The following CELF2 variants were observed in gnomAD, a reference collection of about 807,000 sequenced individuals.
CELF2 encodes CUG triplet repeat RNA-binding protein 2.
In CELF2, 8 loss-of-function variants were observed where a neutral mutation model predicts 62.6. The ratio of observed to expected loss-of-function variants is 0.13; its 90% CI spans 0.07 to 0.23. CELF2 has a LOEUF of 0.23. Among genes scored for constraint, CELF2 ranks in the 10% least tolerant of loss-of-function variants. The pLI, the probability that CELF2 is intolerant of heterozygous loss-of-function variation, is 1.00. For synonymous variants in CELF2, 258 were observed against 250.0 expected (o/e 1.03, Z -0.30); for missense variants, 333 against 671.0 (o/e 0.50, Z 5.56).
chr10:11,118,700 TGA>T (rs2057091450), intron 1 of CELF2, among the ~76,000 whole-genome samples: 1 of 152,130 alleles, frequency 6.6e-6, no homozygotes, highest in Admixed American at 6.5e-5. Context: ...ATTTGTATGT[TGA>T]AGAGAAATGT....
chr10:10,802,796 T>C (rs2131548640), intron 1 of CELF2, among the ~76,000 whole-genome samples: 1 of 152,316 alleles, frequency 6.6e-6, no homozygotes, highest in East Asian at 1.9e-4. Flanking sequence ...CTGAGGAATG[T>C]CCTTCCCCAC....
chr10:10,935,438 G>A (rs898340677), intron 2 of CELF2: 1 of 152,212 alleles, frequency 6.6e-6, no homozygotes, highest in East Asian at 1.9e-4. Context: ...AGATGAGTTT[G>A]AGACAGTGCT....
At chr10:11,225,139 C>T (rs1410461039) in intron 3 of CELF2, among the ~76,000 whole-genome samples, 3 of 152,174 alleles carry the variant, frequency 2.0e-5, no homozygotes, top group Non-Finnish European at 2.9e-5. Context: ...ATTTCAGGCC[C>T]GTACCCTCAC....
chr10:11,060,244 C>T (rs2066404180), intron 1 of CELF2, among the ~76,000 whole-genome samples: 1 of 152,194 alleles, frequency 6.6e-6, no homozygotes, highest in African/African-American at 2.4e-5. Context: ...TTCAATACAG[C>T]CCCTAGGAAA....
At chr10:10,907,665 T>G (rs1330383097) in intron 1 of CELF2, among the ~76,000 whole-genome samples, 1 of 138,096 alleles carries the variant, frequency 7.2e-6, no homozygotes, top group Non-Finnish European at 1.6e-5. Context: ...TTATTTTATT[T>G]TTTTAGTGAT....
the CELF2 span, among the ~76,000 whole-genome samples, chr10:10,558,454 C>A: frequency 6.6e-6 from 1 of 152,066 alleles, no homozygotes; most frequent in Admixed American, 6.6e-5. Context: ...TTATTGAGGA[C>A]TTTTGCATCA....
intron 1 of CELF2, among the ~76,000 whole-genome samples, chr10:10,876,394 A>G (rs2061095854): frequency 6.6e-6 from 1 of 152,070 alleles, no homozygotes; most frequent in Non-Finnish European, 1.5e-5. Flanking sequence ...TCTGTGCTAA[A>G]CTGTGCCATT....
chr10:10,690,865 TG>T, the CELF2 span, among the ~76,000 whole-genome samples: 1 of 152,068 alleles, frequency 6.6e-6, no homozygotes, highest in Non-Finnish European at 1.5e-5. Context: ...TGGGTGACAG[TG>T]AAACTCTGTC....
intron 3 of CELF2, among the ~76,000 whole-genome samples, chr10:11,225,341 G>A (rs1298326805): frequency 2.6e-5 from 4 of 152,058 alleles, no homozygotes; most frequent in South Asian, 2.1e-4. Context: ...CCTTAAAAAC[G>A]CTTGCAATGC....
the CELF2 span, among the ~76,000 whole-genome samples, chr10:10,487,352 C>G: frequency 6.6e-6 from 1 of 152,036 alleles, no homozygotes; most frequent in Non-Finnish European, 1.5e-5. Flanking sequence ...AAAAGCTTCC[C>G]TCTCTTAAGT....
chr10:11,173,747 C>G (rs662464), intron 2 of CELF2, among the ~76,000 whole-genome samples: 44,710 of 152,064 alleles, frequency 0.29, 6,888 homozygotes, highest in African/African-American at 0.37. Flanking sequence ...TTTACGAGAA[C>G]AGCTCACAGG....
chr10:10,630,412 C>T, the CELF2 span, among the ~76,000 whole-genome samples: 1 of 152,182 alleles, frequency 6.6e-6, no homozygotes, highest in Non-Finnish European at 1.5e-5. Context: ...ATAATCCTTA[C>T]ACCCACCATC....
At chr10:11,192,479 G>A (rs548067475) in intron 2 of CELF2, among the ~76,000 whole-genome samples, 51 of 152,352 alleles carry the variant, frequency 3.3e-4, no homozygotes, top group Middle Eastern at 6.8e-3. Flanking sequence ...AGACCACAGC[G>A]TCAGCTGCTA....
chr10:11,123,376 G>C (rs922038603), intron 1 of CELF2, among the ~76,000 whole-genome samples: 50 of 152,040 alleles, frequency 3.3e-4, no homozygotes, highest in Middle Eastern at 6.8e-3. Flanking sequence ...TCAGCCCCCT[G>C]AGTTGCTGAG....
At chr10:10,571,172 C>T in the CELF2 span, among the ~76,000 whole-genome samples, 4 of 151,852 alleles carry the variant, frequency 2.6e-5, no homozygotes, top group Non-Finnish European at 5.9e-5. Context: ...TAAACAAATG[C>T]GAGAATTAGA....
At chr10:10,590,357 T>C in the CELF2 span, among the ~76,000 whole-genome samples, 3 of 152,218 alleles carry the variant, frequency 2.0e-5, no homozygotes, top group Non-Finnish European at 4.4e-5. Flanking sequence ...GAGGTGCTTA[T>C]GAGCAAGGAA....
intron 1 of CELF2, among the ~76,000 whole-genome samples, chr10:10,813,012 C>T (rs879725653): frequency 5.9e-5 from 9 of 152,348 alleles, no homozygotes; most frequent in Non-Finnish European, 1.0e-4. Context: ...ACCTTCCCAT[C>T]GGATCCCGAA....
the CELF2 span, among the ~76,000 whole-genome samples, chr10:10,569,002 T>C: frequency 6.6e-6 from 1 of 152,012 alleles, no homozygotes; most frequent in East Asian, 1.9e-4. Context: ...AGAAATAAAA[T>C]AGAAAAAAGG....
At chr10:10,591,341 A>T in the CELF2 span, among the ~76,000 whole-genome samples, 1 of 152,210 alleles carries the variant, frequency 6.6e-6, no homozygotes, top group African/African-American at 2.4e-5. Context: ...ATCAAAAGTT[A>T]CATTTACAAA....
Sources: gnomAD v4.1 joint callset for allele counts (sites outside exome capture counted in the v4.1 genomes callset) on GRCh38, gnomAD v4.1.1 for gene constraint, MANE v1.5 for transcripts, NCBI Gene and HGNC (gene_info 2026-07-23, HGNC 2026-07-21) for gene names.